ARL6IP5: variants seen among roughly 807,000 people sequenced by gnomAD.
ARL6IP5 encodes the protein PRA1 family protein 3.
Under a neutral mutation model 13.0 loss-of-function variants are expected in ARL6IP5, and 6 were observed. That is an observed-to-expected ratio of 0.46 (90% confidence interval 0.25 to 0.91). The LOEUF (loss-of-function observed/expected upper bound fraction) is 0.91, where lower values mean the gene tolerates loss of function less well. ARL6IP5 is among the 40% of genes least tolerant of loss of function. The pLI is 0.17. For missense variants in ARL6IP5, 208 were observed against 248.8 expected, an observed-to-expected ratio of 0.84 and a Z score of 1.10; for synonymous variants, 91 against 91.9, an observed-to-expected ratio of 0.99 and a Z score of 0.06.
chr3:69,093,563 G>A (rs2092276500), intron 1 of ARL6IP5, among the ~76,000 whole-genome samples: 1 of 152,056 alleles, frequency 6.6e-6, no homozygotes, highest in Admixed American at 6.5e-5. Flanking sequence ...AGGAGTTCGA[G>A]ACCAGCCTGG....
intron 1 of ARL6IP5, among the ~76,000 whole-genome samples, chr3:69,097,138 T>C (rs2092289880): frequency 6.6e-6 from 1 of 152,094 alleles, no homozygotes; most frequent in Admixed American, 6.5e-5. Context: ...GTCTTTGGTA[T>C]AATTTTTCAG....
intron 1 of ARL6IP5, among the ~76,000 whole-genome samples, chr3:69,085,842 C>T (rs932026892): frequency 6.6e-6 from 1 of 152,118 alleles, no homozygotes; most frequent in Non-Finnish European, 1.5e-5. Flanking sequence ...CCAGCAGTGG[C>T]CAGGCGTGGT....
chr3:69,095,472 G>C (rs777440941), intron 1 of ARL6IP5, among the ~76,000 whole-genome samples: 4 of 150,622 alleles, frequency 2.7e-5, no homozygotes, highest in Non-Finnish European at 4.4e-5. Context: ...AGGTCCTGCT[G>C]TTTCTCCCTT....
At position 69,104,560 on chromosome 3, in the gene ARL6IP5, T is replaced by C. The variant is rs2092316420; in HGVS notation, c.491T>C (p.Ile164Thr). ...GIGLKRTPMG[I>T]VLDALEQQEE... Reference sequence around the variant, plus strand: ...GGTTTGAAGAGGACACCGATGGGCATTGTCCTGGATGCCCTAGAACAGCAG... The same window carrying C: ...GGTTTGAAGAGGACACCGATGGGCACTGTCCTGGATGCCCTAGAACAGCAG... The change falls in exon 3 of 3, where the codon ATT becomes ACT. Residue 164 changes from isoleucine to threonine, a missense_variant. Ile to Thr is a moderately conservative substitution (Grantham distance 89). Transcript: ENST00000273258. The C allele has an allele frequency of 1.9e-6, 3 of 1,613,944 alleles. No individual in the cohort carries two copies. In the East Asian group the frequency reaches 6.7e-5, roughly 36 times the overall value.
intron 1 of ARL6IP5, among the ~76,000 whole-genome samples, chr3:69,099,658 A>G (rs1278380111): frequency 6.6e-6 from 1 of 152,210 alleles, no homozygotes; most frequent in Admixed American, 6.5e-5. Flanking sequence ...CATCTCTTCC[A>G]TTTCAGAGAA....
chr3:69,096,597 C>CTTTTTTTTTTTTTTTTTTTTT (rs11291168), intron 1 of ARL6IP5, among the ~76,000 whole-genome samples: 1 of 69,556 alleles, frequency 1.4e-5, no homozygotes. Context: ...TTTTGCTTTG[C>CTTTTTTTTTTTTTTTTTTTTT]TTTTTTTTTT....
intron 1 of ARL6IP5, among the ~76,000 whole-genome samples, chr3:69,095,233 A>G (rs1046394146): frequency 1.3e-5 from 2 of 152,154 alleles, no homozygotes; most frequent in Non-Finnish European, 2.9e-5. Flanking sequence ...TTCATCTTTG[A>G]AGACTGCTAC....
chr3:69,104,415 C>A, intron 2 of ARL6IP5, 49 bp from the exon 3 acceptor site: 3 of 1,553,832 alleles, frequency 1.9e-6, no homozygotes, highest in South Asian at 2.4e-5. Flanking sequence ...ATTGATATGG[C>A]AAAAGAGAAT....
chr3:69,098,393 G>A (rs2092293885), intron 1 of ARL6IP5, among the ~76,000 whole-genome samples: 1 of 151,786 alleles, frequency 6.6e-6, no homozygotes, highest in South Asian at 2.1e-4. Flanking sequence ...ACAGGCTCCC[G>A]CCACCGAGCC....
intron 1 of ARL6IP5, among the ~76,000 whole-genome samples, chr3:69,093,446 G>A (rs1021218519): frequency 1.3e-5 from 2 of 152,084 alleles, no homozygotes. Flanking sequence ...AGGAGACACT[G>A]TTCTCATTTA....
chr3:69,085,228 G>A lies in ARL6IP5; in HGVS notation c.176+5G>A. The A allele has an allele frequency of 6.2e-7, 1 of 1,610,718 alleles. No individual in the cohort carries two copies. The highest frequency in any genetic ancestry group is 8.5e-7 in the Non-Finnish European group (1 of 1,177,468). On this transcript the variant is annotated splice_donor_5th_base_variant and intron_variant, in intron 1 of 2. Coordinates refer to ENST00000273258, the MANE Select transcript of ARL6IP5 (RefSeq NM_006407.4). ...CATGATGATTTCCATTGTGGGGTAA[G>A]TGGGGTCCCCCTACCCGGGACACCG...
chr3:69,087,717 T>C (rs2092252703), intron 1 of ARL6IP5, among the ~76,000 whole-genome samples: 2 of 152,216 alleles, frequency 1.3e-5, no homozygotes, highest in African/African-American at 4.8e-5. Context: ...TCAATGAAAA[T>C]TTTGAAGTGA....
intron 1 of ARL6IP5, among the ~76,000 whole-genome samples, chr3:69,101,316 C>CTTTTT (rs549402201): frequency 8.4e-6 from 1 of 119,444 alleles, no homozygotes. Flanking sequence ...TCAGCTCCAC[C>CTTTTT]TTTTTTTTTT....
intron 1 of ARL6IP5, among the ~76,000 whole-genome samples, chr3:69,089,246 T>C (rs1397235936): frequency 6.6e-6 from 1 of 152,184 alleles, no homozygotes; most frequent in Non-Finnish European, 1.5e-5. Context: ...CAGGCATCTG[T>C]TGTTTTTTTC....
chr3:69,090,481 T>G (rs1007157940), intron 1 of ARL6IP5, among the ~76,000 whole-genome samples: 1 of 152,202 alleles, frequency 6.6e-6, no homozygotes, highest in Non-Finnish European at 1.5e-5. Flanking sequence ...GTATAGCAAG[T>G]GTACAGAAAT....
intron 1 of ARL6IP5, among the ~76,000 whole-genome samples, chr3:69,096,900 C>A (rs567866811): frequency 6.6e-6 from 1 of 151,958 alleles, no homozygotes; most frequent in Non-Finnish European, 1.5e-5. Flanking sequence ...CTGTACCTGG[C>A]GATCTTTGTT....
rs548336303 is a variant in ARL6IP5 at position 69,094,754 on chromosome 3, G to A, written c.177-7085G>A. Among the ~76,000 whole-genome samples, 40 of 152,276 alleles carry A rather than the reference G, an allele frequency of 2.6e-4. 1 individual carries two copies. The South Asian group carries it at 6.2e-3, about 24-fold the overall frequency. On this transcript the variant is annotated intron_variant, in intron 1 of 2. Transcript: ENST00000273258. ...GAGTTGATCCGAGGATTTCTGTTATGGCAAACTTTTATTGCCAACTTTGCA... is the reference window on the plus strand; with the variant it reads ...GAGTTGATCCGAGGATTTCTGTTATAGCAAACTTTTATTGCCAACTTTGCA...
rs373944686 is a variant in ARL6IP5, at chr3:69,104,970, GAAAA to G, written c.*341_*344del. On this transcript the variant is annotated 3_prime_UTR_variant, in exon 3 of 3. Coordinates refer to ENST00000273258, the MANE Select transcript of ARL6IP5 (RefSeq NM_006407.4). ...CAGCAACAATACGATTATCTTATAG[GAAAA>G]AAAAAATCATTGTAAAGTATCAAGA... is the stretch of plus-strand genomic sequence containing the variant. The G allele has an allele frequency of 1.7e-6, 1 of 603,684 alleles. No homozygotes were observed. The highest frequency in any genetic ancestry group is 2.8e-5 in the Admixed American group (1 of 36,326). 37.4% of individuals were successfully genotyped at this position (603,684 alleles called of 1,614,324 possible).
At chr3:69,103,455 T>C (rs1396578156) in intron 2 of ARL6IP5, among the ~76,000 whole-genome samples, 1 of 152,214 alleles carries the variant, frequency 6.6e-6, no homozygotes, top group Non-Finnish European at 1.5e-5. Context: ...GCATTCAGGA[T>C]ACTTTTTAAA....
Sources: gnomAD v4.1 joint callset for allele counts (sites outside exome capture counted in the v4.1 genomes callset) on GRCh38, gnomAD v4.1.1 for gene constraint, MANE v1.5 for transcripts, NCBI Gene and HGNC (gene_info 2026-07-23, HGNC 2026-07-21) for gene names.